Variants in KLF12 observed in about 807,000 individuals in gnomAD.
KLF12 encodes the protein KLF transcription factor 12.
A neutral mutation model predicts 37.8 loss-of-function variants in KLF12; 9 were observed. The observed-to-expected ratio is 0.24, with a 90% CI of 0.14 to 0.42. The LOEUF (loss-of-function observed/expected upper bound fraction) is 0.42. KLF12 is among the 10% of genes least tolerant of loss of function. The pLI, the probability that KLF12 is intolerant of heterozygous loss-of-function variation, is 1.00. For missense variants in KLF12, 411 were observed against 516.0 expected (o/e 0.80, Z 1.97); for synonymous variants, 208 against 202.1 (o/e 1.03, Z -0.25).
At chr13:74,026,544 A>G (rs1186620794) in intron 1 of KLF12, among the ~76,000 whole-genome samples, 1 of 152,228 alleles carries the variant, frequency 6.6e-6, no homozygotes, top group East Asian at 1.9e-4. Context: ...TTACATATGC[A>G]TGCACATATT....
chr13:73,856,378 AC>A (rs1594175858), intron 3 of KLF12, among the ~76,000 whole-genome samples: 1 of 152,220 alleles, frequency 6.6e-6, no homozygotes, highest in East Asian at 1.9e-4. Context: ...ATGTAGGAAA[AC>A]TGACACCAAT....
At chr13:74,096,404 A>G (rs1408379263) in intron 1 of KLF12, among the ~76,000 whole-genome samples, 1 of 152,198 alleles carries the variant, frequency 6.6e-6, no homozygotes, top group Non-Finnish European at 1.5e-5. Context: ...TCTCCAGCAC[A>G]GAAAACAAAG....
At chr13:74,057,756 C>T (rs1035018155) in intron 1 of KLF12, among the ~76,000 whole-genome samples, 2 of 151,966 alleles carry the variant, frequency 1.3e-5, no homozygotes, top group African/African-American at 4.8e-5. Flanking sequence ...CAGTAACATC[C>T]TGAAAGTTAT....
intron 4 of KLF12, among the ~76,000 whole-genome samples, chr13:73,830,356 G>T (rs1487562455): frequency 1.3e-5 from 2 of 151,994 alleles, no homozygotes; most frequent in African/African-American, 2.4e-5. Flanking sequence ...AAATAATAGA[G>T]AACTACAAAA....
At chr13:73,794,122 C>G (rs73531649) in intron 5 of KLF12, among the ~76,000 whole-genome samples, 1,632 of 152,306 alleles carry the variant, frequency 0.011, 21 homozygotes, top group African/African-American at 0.037. Flanking sequence ...CCTCAAGCCA[C>G]CTTTGAAAAT....
chr13:73,845,497 G>GAAAGGGCAA (rs1884962866), intron 4 of KLF12, among the ~76,000 whole-genome samples: 2 of 152,180 alleles, frequency 1.3e-5, no homozygotes, highest in African/African-American at 4.8e-5. Flanking sequence ...AAGCAATTAT[G>GAAAGGGCAA]TTCACCATAG....
intron 3 of KLF12, among the ~76,000 whole-genome samples, chr13:73,897,829 A>C (rs969098150): frequency 5.3e-5 from 8 of 152,170 alleles, no homozygotes; most frequent in South Asian, 4.1e-4. Flanking sequence ...TCTATTAAAA[A>C]ATGTTTTGGT....
chr13:74,151,926 G>A, the KLF12 span, among the ~76,000 whole-genome samples: 1 of 152,156 alleles, frequency 6.6e-6, no homozygotes, highest in Non-Finnish European at 1.5e-5. Flanking sequence ...GTTAAAAAAT[G>A]CACGTTGAAA....
chr13:73,871,336 C>T (rs1886453880), intron 3 of KLF12, among the ~76,000 whole-genome samples: 1 of 152,202 alleles, frequency 6.6e-6, no homozygotes, highest in South Asian at 2.1e-4. Context: ...TCCTTCTCTT[C>T]AATGAATAAG....
the KLF12 span, among the ~76,000 whole-genome samples, chr13:74,275,039 G>A: frequency 2.0e-5 from 3 of 152,134 alleles, no homozygotes; most frequent in African/African-American, 7.2e-5. Context: ...TTTTAGTGAA[G>A]CAAGGCACTG....
In KLF12 at chr13:73,712,129, G is replaced by A. The variant is rs578239462; in HGVS notation, c.1027+3239C>T. Among the ~76,000 whole-genome samples the A allele has an allele frequency of 1.5e-3, 235 of 151,998 alleles. 7 individuals are homozygous for A. The highest frequency in any genetic ancestry group is 2.9e-4 in the Non-Finnish European group (20 of 67,940). ...TGAGGTGGGCAGATCACCTGAGGTC[G>A]GGAGTTCGAGACCAGCCTGACCAAC... On this transcript the variant is annotated intron_variant, in intron 7 of 7. Coordinates refer to ENST00000377669, the MANE Select transcript of KLF12 (RefSeq NM_007249.5).
chr13:74,035,547 T>C (rs1199250414), intron 1 of KLF12, among the ~76,000 whole-genome samples: 1 of 152,236 alleles, frequency 6.6e-6, no homozygotes, highest in Non-Finnish European at 1.5e-5. Flanking sequence ...CTCATTTGTT[T>C]GTTTTTAAAT....
intron 3 of KLF12, among the ~76,000 whole-genome samples, chr13:73,886,409 T>C (rs905893895): frequency 1.3e-5 from 2 of 152,252 alleles, no homozygotes; most frequent in South Asian, 4.1e-4. Context: ...AGCAGCAATA[T>C]GGCACACAGC....
chr13:74,136,780 T>TA (rs58976692), upstream of KLF12, among the ~76,000 whole-genome samples: 3,283 of 143,536 alleles, frequency 0.023, 47 homozygotes, highest in South Asian at 0.054. Flanking sequence ...CCTGTGTGGT[T>TA]AAAAAAAAAA....
At chr13:74,295,908 G>A in the KLF12 span, among the ~76,000 whole-genome samples, 2 of 152,018 alleles carry the variant, frequency 1.3e-5, no homozygotes, top group Non-Finnish European at 2.9e-5. Context: ...CCACCTCCCA[G>A]GCTCAAACGA....
At chr13:74,161,778 T>C in the KLF12 span, among the ~76,000 whole-genome samples, 1 of 152,178 alleles carries the variant, frequency 6.6e-6, no homozygotes, top group African/African-American at 2.4e-5. Flanking sequence ...GAGTAGAGAT[T>C]AATTTTCATT....
At chr13:74,293,928 T>G in the KLF12 span, among the ~76,000 whole-genome samples, 13 of 152,356 alleles carry the variant, frequency 8.5e-5, no homozygotes, top group East Asian at 2.5e-3. Flanking sequence ...GTACAGCCCA[T>G]TTTTAAAGAA....
At chr13:74,138,787 T>A (rs1878628672), upstream of KLF12, among the ~76,000 whole-genome samples, 1 of 152,150 alleles carries the variant, frequency 6.6e-6, no homozygotes, top group South Asian at 2.1e-4. Flanking sequence ...TTATAACATA[T>A]CTGTCTTTAC....
chr13:73,996,660 C>T (rs1566497841), intron 1 of KLF12, among the ~76,000 whole-genome samples: 1 of 152,210 alleles, frequency 6.6e-6, no homozygotes, highest in South Asian at 2.1e-4. Context: ...CACATAAACA[C>T]CCTTCCGTGT....
Sources: gnomAD v4.1 joint callset for allele counts (sites outside exome capture counted in the v4.1 genomes callset) on GRCh38, gnomAD v4.1.1 for gene constraint, MANE v1.5 for transcripts, NCBI Gene and HGNC (gene_info 2026-07-23, HGNC 2026-07-21) for gene names.